Variants in PDZRN4 observed in about 807,000 individuals in gnomAD.
The protein encoded by PDZRN4 is PDZ domain containing ring finger 4, also known as PDZ domain-containing RING finger protein 4.
Under a neutral mutation model 99.0 loss-of-function variants are expected in PDZRN4, and 70 were observed. That is an observed-to-expected ratio of 0.71 (90% confidence interval 0.58 to 0.86). The LOEUF (loss-of-function observed/expected upper bound fraction) is 0.86, where lower values mean the gene tolerates loss of function less well. Among genes scored for constraint, PDZRN4 ranks in the 40% least tolerant of loss-of-function variants. The pLI is 0.00. For synonymous variants in PDZRN4, 551 were observed against 501.6 expected, an observed-to-expected ratio of 1.10 and a Z score of -1.32; for missense variants, 1,474 against 1,331.2, an observed-to-expected ratio of 1.11 and a Z score of -1.67.
intron 3 of PDZRN4, among the ~76,000 whole-genome samples, chr12:41,425,176 G>T (rs1446222668): frequency 6.6e-6 from 1 of 152,060 alleles, no homozygotes; most frequent in African/African-American, 2.4e-5. Flanking sequence ...TGATTCCATT[G>T]ATTTGTTTTT....
chr12:41,423,470 T>C (rs1191559111), intron 3 of PDZRN4, among the ~76,000 whole-genome samples: 2 of 152,146 alleles, frequency 1.3e-5, no homozygotes, highest in Non-Finnish European at 2.9e-5. Context: ...GCAAAGGGCA[T>C]TAACTCATCC....
At chr12:41,544,050 T>C (rs1020366942) in intron 5 of PDZRN4, among the ~76,000 whole-genome samples, 2 of 152,228 alleles carry the variant, frequency 1.3e-5, no homozygotes, top group African/African-American at 4.8e-5. Context: ...CACTGTATTA[T>C]CCTATCAGAT....
intron 3 of PDZRN4, among the ~76,000 whole-genome samples, chr12:41,272,558 T>C (rs1951321707): frequency 6.6e-6 from 1 of 152,074 alleles, no homozygotes; most frequent in Non-Finnish European, 1.5e-5. Context: ...AATAAATATA[T>C]ACCTATACTA....
intron 3 of PDZRN4, among the ~76,000 whole-genome samples, chr12:41,283,443 C>T (rs1951402642): frequency 1.3e-5 from 2 of 152,178 alleles, no homozygotes; most frequent in South Asian, 4.1e-4. Flanking sequence ...CAAAGTGGAG[C>T]TGATCCCATT....
At chr12:41,278,711 T>C (rs1468771721) in intron 3 of PDZRN4, among the ~76,000 whole-genome samples, 2 of 152,186 alleles carry the variant, frequency 1.3e-5, no homozygotes, top group Non-Finnish European at 2.9e-5. Flanking sequence ...TTACTCAAGA[T>C]AGAGATAAGG....
At chr12:41,561,509 G>A (rs1939269155) in intron 7 of PDZRN4, among the ~76,000 whole-genome samples, 1 of 150,374 alleles carries the variant, frequency 6.7e-6, no homozygotes, top group African/African-American at 2.4e-5. Flanking sequence ...AGACTAACAT[G>A]AATAAGTATT....
intron 3 of PDZRN4, among the ~76,000 whole-genome samples, chr12:41,421,112 C>A (rs188747714): frequency 1.9e-3 from 294 of 152,284 alleles, no homozygotes; most frequent in Middle Eastern, 0.017. Context: ...ATTGCATATA[C>A]CTCTTTTCAA....
chr12:41,378,341 G>T (rs895724956), intron 3 of PDZRN4, among the ~76,000 whole-genome samples: 1 of 151,982 alleles, frequency 6.6e-6, no homozygotes, highest in African/African-American at 2.4e-5. Context: ...GCTGATCATG[G>T]TGTACGAAAC....
At chr12:41,218,347 C>G (rs369648401) in intron 3 of PDZRN4, among the ~76,000 whole-genome samples, 2 of 152,042 alleles carry the variant, frequency 1.3e-5, no homozygotes, top group African/African-American at 4.8e-5. Context: ...TAAAGAAATA[C>G]ATCAAGGGCT....
At chr12:41,237,338 A>G (rs781660040) in intron 3 of PDZRN4, among the ~76,000 whole-genome samples, 3 of 152,122 alleles carry the variant, frequency 2.0e-5, no homozygotes, top group Non-Finnish European at 4.4e-5. Flanking sequence ...GACAAAATTA[A>G]GGTCACTAAA....
chr12:41,305,632 G>GACCTCATCTAAACCTAATT (rs1197406520), intron 3 of PDZRN4, among the ~76,000 whole-genome samples: 1 of 151,902 alleles, frequency 6.6e-6, no homozygotes, highest in Admixed American at 6.6e-5. Flanking sequence ...CCATCCACAG[G>GACCTCATCTAAACCTAATT]ACCTCATCTA....
At chr12:41,306,006 G>C (rs1027712815) in intron 3 of PDZRN4, among the ~76,000 whole-genome samples, 7 of 152,168 alleles carry the variant, frequency 4.6e-5, no homozygotes, top group Non-Finnish European at 1.0e-4. Context: ...ACAATAGTGG[G>C]ACAGGCATAG....
chr12:41,470,721 A>G (rs1323653465), intron 3 of PDZRN4, among the ~76,000 whole-genome samples: 1 of 152,026 alleles, frequency 6.6e-6, no homozygotes, highest in Non-Finnish European at 1.5e-5. Context: ...CTCATTGTTC[A>G]ATTCCCACCC....
At chr12:41,557,100 G>A (rs913539259) in intron 7 of PDZRN4, among the ~76,000 whole-genome samples, 5 of 137,452 alleles carry the variant, frequency 3.6e-5, no homozygotes, top group East Asian at 2.2e-4. Context: ...GCAGTGAGCC[G>A]AGATGCCACC....
intron 3 of PDZRN4, among the ~76,000 whole-genome samples, chr12:41,206,542 A>T (rs184182576): frequency 3.3e-5 from 5 of 151,014 alleles, no homozygotes; most frequent in Admixed American, 2.6e-4. Flanking sequence ...ATTAATTAAT[A>T]AATTAATAAA....
intron 3 of PDZRN4, among the ~76,000 whole-genome samples, chr12:41,289,211 A>G (rs1167196552): frequency 6.6e-6 from 1 of 152,190 alleles, no homozygotes; most frequent in Non-Finnish European, 1.5e-5. Context: ...GTTCATGCTC[A>G]TCCACGAACA....
intron 3 of PDZRN4, among the ~76,000 whole-genome samples, chr12:41,448,750 C>T (rs1180864089): frequency 2.0e-5 from 3 of 152,142 alleles, no homozygotes; most frequent in Non-Finnish European, 4.4e-5. Context: ...TTTTAAGACA[C>T]ATATTAATTA....
At chr12:41,452,528 G>A (rs1248297408) in intron 3 of PDZRN4, among the ~76,000 whole-genome samples, 2 of 151,940 alleles carry the variant, frequency 1.3e-5, no homozygotes, top group Admixed American at 6.6e-5. Flanking sequence ...TACCTTCAGG[G>A]CTCCAAATAA....
chr12:41,225,310 T>A (rs1319853767), intron 3 of PDZRN4, among the ~76,000 whole-genome samples: 5 of 152,046 alleles, frequency 3.3e-5, no homozygotes, highest in Non-Finnish European at 7.4e-5. Flanking sequence ...TACTTTAAAC[T>A]CTGGGTGGTT....
Sources: allele counts gnomAD v4.1 joint callset (sites outside exome capture counted in the v4.1 genomes callset), GRCh38; gene constraint gnomAD v4.1.1; transcripts MANE v1.5; gene names NCBI Gene and HGNC (gene_info 2026-07-23, HGNC 2026-07-21).